Variants in CEP128 observed in about 807,000 individuals in gnomAD.
CEP128 encodes centrosomal protein 128.
Under a neutral mutation model 156.7 loss-of-function variants are expected in CEP128, and 132 were observed. That is an observed-to-expected ratio of 0.84 (90% CI 0.73 to 0.97). CEP128 has a LOEUF of 0.97. Ranked by LOEUF, CEP128 falls within the 50% of genes least tolerant of loss-of-function variation. The pLI, the probability that CEP128 is intolerant of heterozygous loss-of-function variation, is 0.00. For missense variants in CEP128, 1,252 were observed against 1,281.9 expected (o/e 0.98, Z 0.36); for synonymous variants, 469 against 448.9 (o/e 1.04, Z -0.57).
intron 20 of CEP128, among the ~76,000 whole-genome samples, chr14:80,570,786 G>A (rs1891108857): frequency 6.6e-6 from 1 of 152,026 alleles, no homozygotes; most frequent in Non-Finnish European, 1.5e-5. Flanking sequence ...CCATGGTAGA[G>A]GTTAGGGGAT....
chr14:80,890,711 T>G (rs1034594899), intron 8 of CEP128, among the ~76,000 whole-genome samples: 1 of 151,960 alleles, frequency 6.6e-6, no homozygotes, highest in Non-Finnish European at 1.5e-5. Context: ...GGTTGATGGG[T>G]GCAGCAAACC....
chr14:80,803,852 TC>T (rs1884017009), intron 13 of CEP128, among the ~76,000 whole-genome samples: 1 of 152,144 alleles, frequency 6.6e-6, no homozygotes, highest in African/African-American at 2.4e-5. Flanking sequence ...TATTCCTTTT[TC>T]CCAGTTTTAT....
At chr14:80,930,286 C>G (rs1885387119) in intron 2 of CEP128, among the ~76,000 whole-genome samples, 1 of 152,218 alleles carries the variant, frequency 6.6e-6, no homozygotes, top group Non-Finnish European at 1.5e-5. Context: ...CAAGCTGCAT[C>G]TGGCGGCAGG....
At chr14:80,850,610 A>C (rs1886842688) in intron 9 of CEP128, among the ~76,000 whole-genome samples, 1 of 152,224 alleles carries the variant, frequency 6.6e-6, no homozygotes, top group Admixed American at 6.5e-5. Context: ...TATTTGCAGT[A>C]TCCCAAAAGA....
At chr14:80,930,481 G>A (rs768555696) in intron 2 of CEP128, among the ~76,000 whole-genome samples, 2 of 152,130 alleles carry the variant, frequency 1.3e-5, no homozygotes, top group African/African-American at 4.8e-5. Context: ...TTTGAAAAGG[G>A]GGAAAGATCC....
Position 80,785,562 on chromosome 14 carries a change from A to G in CEP128, c.1561-17T>C. 6.5e-7 allele frequency: 1 copy of G among 1,547,042 alleles called. No individual in the cohort carries two copies. Among genetic ancestry groups the G allele is most frequent in the South Asian group, 1.2e-5 (1 of 81,148 alleles). The stretch of plus-strand genomic sequence containing the variant: ...TTTTAAAATCTATCAGGTTAAGAAC[A>G]TGAAGCAAAAGAAAAAAATAAAAGT... On this transcript the variant is annotated splice_polypyrimidine_tract_variant and intron_variant, in intron 14 of 24. Coordinates refer to ENST00000555265, the MANE Select transcript of CEP128 (RefSeq NM_152446.5).
chr14:80,545,695 T>C (rs12432505), intron 21 of CEP128, among the ~76,000 whole-genome samples: 20,266 of 152,078 alleles, frequency 0.13, 1,600 homozygotes, highest in South Asian at 0.22. Context: ...GAAAAAATAC[T>C]GGGGAGAGAA....
chr14:80,844,706 T>C (rs1566666200), intron 9 of CEP128, among the ~76,000 whole-genome samples: 1 of 152,282 alleles, frequency 6.6e-6, no homozygotes, highest in East Asian at 1.9e-4. Flanking sequence ...TATTTAAACA[T>C]AAAGCTCAAG....
Position 80,699,551 on chromosome 14 carries a change from T to C in CEP128, c.2806+43524A>G, listed in dbSNP as rs1028902840. ...CAAAATTATTGACATTGTAACTTCA[T>C]TTAGTATATGCCACCATTTAACATA... On this transcript the variant is annotated intron_variant, in intron 19 of 24. Coordinates refer to ENST00000555265, the MANE Select transcript of CEP128 (RefSeq NM_152446.5). Among the ~76,000 whole-genome samples the C allele has an allele frequency of 7.2e-5, 11 of 152,146 alleles. No individual in the cohort carries two copies. In the East Asian group the frequency reaches 7.7e-4, roughly 11 times the overall value.
intron 16 of CEP128, among the ~76,000 whole-genome samples, chr14:80,775,288 C>T (rs556825393): frequency 6.6e-6 from 1 of 152,318 alleles, no homozygotes; most frequent in Non-Finnish European, 1.5e-5. Flanking sequence ...ATCATTATTG[C>T]TATACTATCT....
chr14:80,502,907 T>C lies in CEP128; in HGVS notation c.3181+2005A>G, dbSNP rs139985095. 6.7e-3 allele frequency among the ~76,000 whole-genome samples: 1,018 copies of C among 152,280 alleles called. 15 individuals carry two copies. Among genetic ancestry groups the C allele is most frequent in the African/African-American group, 0.023 (971 of 41,552 alleles). Reference sequence around the variant, plus strand: ...TCAGGGTAATCCTAATGTTTCTCACTGCTAATGTGCCCCATTATTAAAAAC... The same window carrying C: ...TCAGGGTAATCCTAATGTTTCTCACCGCTAATGTGCCCCATTATTAAAAAC... On this transcript the variant is annotated intron_variant, in intron 24 of 24. Coordinates refer to ENST00000555265, the MANE Select transcript of CEP128 (RefSeq NM_152446.5).
chr14:80,814,069 G>A (rs1055484470), intron 13 of CEP128, among the ~76,000 whole-genome samples: 4 of 152,066 alleles, frequency 2.6e-5, no homozygotes, highest in Admixed American at 6.6e-5. Flanking sequence ...AAGGTAACAC[G>A]TCTCCCTTGC....
chr14:80,774,783 A>G (rs1900704402), intron 16 of CEP128, among the ~76,000 whole-genome samples: 2 of 152,186 alleles, frequency 1.3e-5, no homozygotes, highest in South Asian at 2.1e-4. Flanking sequence ...GCATAATTAT[A>G]AAAGTGCCCA....
intron 19 of CEP128, among the ~76,000 whole-genome samples, chr14:80,611,236 C>A (rs1892982075): frequency 6.7e-6 from 1 of 148,164 alleles, no homozygotes; most frequent in African/African-American, 2.5e-5. Flanking sequence ...ATTAAACATT[C>A]AAAGACTAAA....
chr14:80,677,890 A>T (rs1335024886), intron 19 of CEP128, among the ~76,000 whole-genome samples: 2 of 152,036 alleles, frequency 1.3e-5, no homozygotes, highest in African/African-American at 4.8e-5. Flanking sequence ...AACATGTTTA[A>T]GAGACATCTT....
At chr14:80,619,864 C>T (rs1893403847) in intron 19 of CEP128, among the ~76,000 whole-genome samples, 1 of 151,666 alleles carries the variant, frequency 6.6e-6, no homozygotes, top group Admixed American at 6.6e-5. Flanking sequence ...GTGGCTCACG[C>T]CTGTAATCCC....
chr14:80,594,775 C>T (rs954175641), intron 19 of CEP128, among the ~76,000 whole-genome samples: 24 of 151,980 alleles, frequency 1.6e-4, no homozygotes, highest in Admixed American at 9.8e-4. Flanking sequence ...CAATGAGATA[C>T]CCATCTCACA....
chr14:80,785,593 TA>T (rs1176241475), intron 14 of CEP128, 48 bp from the exon 15 acceptor site: 2 of 1,391,326 alleles, frequency 1.4e-6, no homozygotes, highest in Admixed American at 5.1e-5. Context: ...AAAGTTACTG[TA>T]AAATTCACCA....
In CEP128 at chr14:80,659,660, T is replaced by G. The variant is rs1040275840; in HGVS notation, c.2807-79237A>C. 4.6e-5 allele frequency among the ~76,000 whole-genome samples: 7 copies of G among 152,308 alleles called. 1 individual carries two copies. Among genetic ancestry groups the G allele is most frequent in the Middle Eastern group, 6.8e-3 (2 of 294 alleles). On this transcript the variant is annotated intron_variant, in intron 19 of 24. Coordinates refer to ENST00000555265, the MANE Select transcript of CEP128 (RefSeq NM_152446.5). ...AATCCAAACAATTATGGTATTACTA[T>G]AAAACCTTAACAATGCATTTATATT...
Sources: gnomAD v4.1 joint callset for allele counts (sites outside exome capture counted in the v4.1 genomes callset) on GRCh38, gnomAD v4.1.1 for gene constraint, MANE v1.5 for transcripts, NCBI Gene and HGNC (gene_info 2026-07-23, HGNC 2026-07-21) for gene names.